CTNNA3: variants seen among roughly 807,000 people sequenced by gnomAD.
CTNNA3 encodes catenin alpha 3, also known as catenin alpha-3.
CTNNA3 carries 76 observed loss-of-function variants against 95.7 expected under a neutral mutation model. The ratio of observed to expected loss-of-function variants is 0.79; its 90% confidence interval spans 0.66 to 0.96. The LOEUF is 0.96. Ranked by LOEUF, CTNNA3 falls within the 40% of genes least tolerant of loss-of-function variation. The probability of loss-of-function intolerance (pLI) is 0.00; values close to 1 mark genes in which losing one functional copy is unlikely to be tolerated. For missense variants in CTNNA3, 1,191 were observed against 1,089.8 expected (o/e 1.09, Z -1.31); for synonymous variants, 431 against 374.4 (o/e 1.15, Z -1.74).
chr10:67,405,241 C>A (rs1220616869), intron 5 of CTNNA3, among the ~76,000 whole-genome samples: 1 of 152,078 alleles, frequency 6.6e-6, no homozygotes, highest in African/African-American at 2.4e-5. Context: ...TTAAAAGACA[C>A]AGAGTAAAAA....
At chr10:67,003,283 C>G (rs1399607380) in intron 7 of CTNNA3, among the ~76,000 whole-genome samples, 1 of 152,148 alleles carries the variant, frequency 6.6e-6, no homozygotes, top group Non-Finnish European at 1.5e-5. Flanking sequence ...TTTGGCCAAT[C>G]TCCTTTCTTT....
chr10:66,281,796 A>C lies in CTNNA3; in HGVS notation c.1733-1175T>G, dbSNP rs74993658. On this transcript the variant is annotated intron_variant, in intron 12 of 17. Coordinates refer to ENST00000433211, the MANE Select transcript of CTNNA3 (RefSeq NM_013266.4). ...TGATATGAGGAAATTTTGATGATAT[A>C]CATGGGCACTCTTTTTATCTGGTCC... 1.4e-3 allele frequency among the ~76,000 whole-genome samples: 208 copies of C among 151,860 alleles called. 1 individual carries two copies. The highest frequency in any genetic ancestry group is 4.8e-3 in the African/African-American group (201 of 41,502).
At chr10:65,973,069 T>C (rs1392214920) in intron 16 of CTNNA3, among the ~76,000 whole-genome samples, 1 of 152,102 alleles carries the variant, frequency 6.6e-6, no homozygotes, top group Non-Finnish European at 1.5e-5. Context: ...ACTAAAACCA[T>C]CTGATCTTTG....
chr10:67,184,122 T>G (rs2132152075), intron 6 of CTNNA3, among the ~76,000 whole-genome samples: 1 of 152,328 alleles, frequency 6.6e-6, no homozygotes, highest in South Asian at 2.1e-4. Context: ...CTAAGCATTT[T>G]TCTGCTAACG....
intron 15 of CTNNA3, among the ~76,000 whole-genome samples, chr10:66,014,139 A>T (rs1362274342): frequency 1.3e-5 from 2 of 152,068 alleles, no homozygotes; most frequent in African/African-American, 4.8e-5. Context: ...ATGGGCTAGG[A>T]ATGAATGCAC....
chr10:66,488,181 T>C (rs963365034), intron 11 of CTNNA3, among the ~76,000 whole-genome samples: 3 of 152,222 alleles, frequency 2.0e-5, no homozygotes. Context: ...TCTCTGTCTT[T>C]TGATGCAATT....
In CTNNA3 at chr10:66,940,292, C is replaced by G. The variant is rs200661837; in HGVS notation, c.1048-164768G>C. On this transcript the variant is annotated intron_variant, in intron 7 of 17. Transcript: ENST00000433211. ...AGGCAAGGAGGATCACTTGAGCTCT[C>G]AAGACCAGTCTGGAAACATAGCAAG... is the stretch of plus-strand genomic sequence containing the variant. Among the ~76,000 whole-genome samples the G allele has an allele frequency of 2.6e-5, 4 of 151,944 alleles. No homozygotes were observed. The East Asian group carries it at 7.7e-4, about 29-fold the overall frequency.
At chr10:65,999,115 T>A (rs1010553451) in intron 15 of CTNNA3, among the ~76,000 whole-genome samples, 2 of 152,178 alleles carry the variant, frequency 1.3e-5, no homozygotes, top group African/African-American at 4.8e-5. Context: ...ATTATAATAT[T>A]TGAGTTGCTC....
chr10:66,256,101 T>C (rs2132084651), intron 13 of CTNNA3, among the ~76,000 whole-genome samples: 1 of 152,142 alleles, frequency 6.6e-6, no homozygotes, highest in South Asian at 2.1e-4. Flanking sequence ...GCAGGTGAGA[T>C]TATATAATAA....
At position 67,234,825 on chromosome 10, in the gene CTNNA3, C is replaced by A. The variant is rs191925708; in HGVS notation, c.580-14955G>T. 0.013 allele frequency among the ~76,000 whole-genome samples: 1,932 copies of A among 150,264 alleles called. 113 individuals are homozygous for A. In the East Asian group the frequency reaches 0.19, roughly 14 times the overall value. ...GCAACTTCAGCAAAATCTCAGGATA[C>A]AAAATCAATGTACAAAAATCACAAG... On this transcript the variant is annotated intron_variant, in intron 5 of 17. Transcript: ENST00000433211.
chr10:67,241,153 G>A (rs1865704727), intron 5 of CTNNA3, among the ~76,000 whole-genome samples: 1 of 152,046 alleles, frequency 6.6e-6, no homozygotes, highest in Non-Finnish European at 1.5e-5. Flanking sequence ...AGGGGTGATG[G>A]CTCATGCCTA....
rs148067350 is a variant in CTNNA3 at position 66,033,659 on chromosome 10, C to G, written c.2159+35649G>C. 8.2e-3 allele frequency among the ~76,000 whole-genome samples: 1,252 copies of G among 151,974 alleles called. 13 individuals carry two copies. Among genetic ancestry groups the G allele is most frequent in the African/African-American group, 0.029 (1,189 of 41,444 alleles). ...AGACTCAATCAGTGATGCTCTTTAG[C>G]TTGTATGTTCCCTTATGAAGCTATG... On this transcript the variant is annotated intron_variant, in intron 15 of 17. Transcript: ENST00000433211.
In CTNNA3 at chr10:67,094,663, T is replaced by C. The variant is rs1002838027; in HGVS notation, c.1047+85654A>G. ...TTGTACTACATCTGTATACAATACTTATAAATTAAAAATTGAGGAAGAAAT... is the reference window on the plus strand; with the variant it reads ...TTGTACTACATCTGTATACAATACTCATAAATTAAAAATTGAGGAAGAAAT... On this transcript the variant is annotated intron_variant, in intron 7 of 17. Transcript: ENST00000433211. Among the ~76,000 whole-genome samples, 3 of 151,782 alleles carry C rather than the reference T, an allele frequency of 2.0e-5. No homozygotes were observed. The Admixed American group carries it at 2.0e-4, about 10-fold the overall frequency.
intron 12 of CTNNA3, among the ~76,000 whole-genome samples, chr10:66,364,610 T>C (rs2092698828): frequency 6.6e-6 from 1 of 152,176 alleles, no homozygotes; most frequent in South Asian, 2.1e-4. Context: ...AATAAATTAA[T>C]GCATTGTAGA....
chr10:66,397,785 ACAT>A (rs2092991113), intron 11 of CTNNA3, among the ~76,000 whole-genome samples: 1 of 151,882 alleles, frequency 6.6e-6, no homozygotes, highest in South Asian at 2.1e-4. Flanking sequence ...CCACATGTGT[ACAT>A]CATTGCATTA....
intron 10 of CTNNA3, among the ~76,000 whole-genome samples, chr10:66,581,129 C>A (rs1843172505): frequency 6.6e-6 from 1 of 151,718 alleles, no homozygotes; most frequent in African/African-American, 2.4e-5. Context: ...ATCACATTTT[C>A]TTTATCCACT....
intron 6 of CTNNA3, among the ~76,000 whole-genome samples, chr10:67,214,060 C>A (rs74142431): frequency 1.3e-5 from 2 of 151,618 alleles, no homozygotes; most frequent in African/African-American, 4.8e-5. Context: ...AGCTAGATTT[C>A]GTTTTATATT....
chr10:67,680,695 C>T (rs1038137608), intron 1 of CTNNA3, among the ~76,000 whole-genome samples: 1 of 152,108 alleles, frequency 6.6e-6, no homozygotes, highest in Non-Finnish European at 1.5e-5. Context: ...GGCTAAGGTA[C>T]CCTTTACTAA....
chr10:67,278,589 T>C (rs1377432288), intron 5 of CTNNA3, among the ~76,000 whole-genome samples: 1 of 152,168 alleles, frequency 6.6e-6, no homozygotes, highest in East Asian at 1.9e-4. Context: ...CAGAGGACTC[T>C]CTCAGATAGC....
Sources: gnomAD v4.1 joint callset for allele counts (sites outside exome capture counted in the v4.1 genomes callset) on GRCh38, gnomAD v4.1.1 for gene constraint, MANE v1.5 for transcripts, NCBI Gene and HGNC (gene_info 2026-07-23, HGNC 2026-07-21) for gene names.